The following CCDC178 variants were observed in gnomAD, a reference collection of about 807,000 sequenced individuals.
The protein encoded by CCDC178 is coiled-coil domain containing 178, also known as coiled-coil domain-containing protein 178.
Under a neutral mutation model 117.4 loss-of-function variants are expected in CCDC178, and 126 were observed. The ratio of observed to expected loss-of-function variants is 1.07; its 90% CI spans 0.93 to 1.24. CCDC178 has a LOEUF of 1.24. Among genes scored for constraint, CCDC178 ranks in the 50% most tolerant of loss-of-function variants. The pLI, the probability that CCDC178 is intolerant of heterozygous loss-of-function variation, is 0.00. For missense variants in CCDC178, 1,030 were observed against 986.9 expected (o/e 1.04, Z -0.59); for synonymous variants, 283 against 313.4 (o/e 0.90, Z 1.02).
chr18:33,022,444 C>T (rs560769896), intron 21 of CCDC178, among the ~76,000 whole-genome samples: 2 of 152,148 alleles, frequency 1.3e-5, no homozygotes, highest in African/African-American at 4.8e-5. Context: ...AGAAGAAATA[C>T]TTAAGACAAT....
At chr18:33,389,474 T>C in intron 5 of CCDC178, 66 bp downstream of exon 5, 1 of 670,644 alleles carries the variant, frequency 1.5e-6, no homozygotes, top group Non-Finnish European at 2.3e-6. Flanking sequence ...ATTGACATTA[T>C]AGACTAATGA....
In CCDC178 at chr18:33,364,788, A is replaced by G. The variant is rs1175849188; in HGVS notation, c.348+5262T>C. On this transcript the variant is annotated intron_variant, in intron 6 of 22. Transcript: ENST00000383096. Reference sequence around the variant, plus strand: ...ATGAGCTGTAAGGTAGAAGATTTAGAGGTTTGAACAAAAAAACATTGGAGT... The same window carrying G: ...ATGAGCTGTAAGGTAGAAGATTTAGGGGTTTGAACAAAAAAACATTGGAGT... 2.8e-5 allele frequency among the ~76,000 whole-genome samples: 4 copies of G among 145,230 alleles called. No homozygotes were observed. The Admixed American group carries it at 2.8e-4, about 10-fold the overall frequency.
intron 3 of CCDC178, among the ~76,000 whole-genome samples, chr18:33,411,311 T>C (rs1473549911): frequency 3.9e-5 from 6 of 152,192 alleles, no homozygotes; most frequent in Admixed American, 1.3e-4. Flanking sequence ...AAATTTTAGA[T>C]TTTGTGGGCC....
At chr18:33,088,443 A>T (rs1300397444) in intron 21 of CCDC178, among the ~76,000 whole-genome samples, 1 of 151,996 alleles carries the variant, frequency 6.6e-6, no homozygotes, top group Non-Finnish European at 1.5e-5. Flanking sequence ...ATCTATTTAG[A>T]TCTTCTTTGA....
chr18:33,207,338 T>C (rs2059055791), intron 20 of CCDC178, among the ~76,000 whole-genome samples: 1 of 152,110 alleles, frequency 6.6e-6, no homozygotes, highest in Non-Finnish European at 1.5e-5. Context: ...AATCTAGTAA[T>C]GTACTAAAAA....
At position 33,267,067 on chromosome 18, in the gene CCDC178, T is replaced by C. The variant is rs750630368; in HGVS notation, c.1273-15A>G. 3 of 1,572,846 alleles carry C rather than the reference T, an allele frequency of 1.9e-6. No homozygotes were observed. The highest frequency in any genetic ancestry group is 1.7e-6 in the Non-Finnish European group (2 of 1,166,092). Reference sequence around the variant, plus strand: ...CATGTTTTTTTCTTTAAGAAAAGAATAAAAGAATCATTCATACATGTCTAA... The same window carrying C: ...CATGTTTTTTTCTTTAAGAAAAGAACAAAAGAATCATTCATACATGTCTAA... On this transcript the variant is annotated splice_polypyrimidine_tract_variant and intron_variant, in intron 13 of 22. Coordinates refer to ENST00000383096, the MANE Select transcript of CCDC178 (RefSeq NM_001105528.4).
At chr18:33,152,424 C>G in intron 20 of CCDC178, among the ~76,000 whole-genome samples, 1 of 151,880 alleles carries the variant, frequency 6.6e-6, no homozygotes, top group Non-Finnish European at 1.5e-5. Flanking sequence ...GAGACACTAG[C>G]AAGCATGACA....
chr18:33,021,308 T>C (rs2056111805), intron 21 of CCDC178, among the ~76,000 whole-genome samples: 1 of 152,194 alleles, frequency 6.6e-6, no homozygotes, highest in Admixed American at 6.5e-5. Context: ...CTGTTCTGAA[T>C]CTTTTTCTAC....
chr18:33,190,321 A>G (rs1017854280), intron 20 of CCDC178, among the ~76,000 whole-genome samples: 2 of 152,118 alleles, frequency 1.3e-5, no homozygotes, highest in East Asian at 1.9e-4. Context: ...TTATTCCCAT[A>G]CTGCTCCTAA....
chr18:33,195,140 A>C (rs2058915567), intron 20 of CCDC178, among the ~76,000 whole-genome samples: 1 of 151,676 alleles, frequency 6.6e-6, no homozygotes, highest in Admixed American at 6.6e-5. Context: ...AGAGAGAGAG[A>C]GAGAGAAGAA....
intron 20 of CCDC178, among the ~76,000 whole-genome samples, chr18:33,198,533 G>A (rs1043145015): frequency 6.6e-6 from 1 of 152,004 alleles, no homozygotes; most frequent in African/African-American, 2.4e-5. Flanking sequence ...AAAGGAAGGT[G>A]GACAGGACAA....
At chr18:33,005,724 C>CAT (rs1156950467) in intron 21 of CCDC178, among the ~76,000 whole-genome samples, 3 of 151,962 alleles carry the variant, frequency 2.0e-5, no homozygotes, top group South Asian at 4.2e-4. Flanking sequence ...GTAATCCATA[C>CAT]ATATATATAT....
chr18:32,955,170 TC>T lies in CCDC178; in HGVS notation c.2524-17080del, dbSNP rs2054569134. ...TTTCAAAAACTCAAATGTTATCATC[TC>T]CCTCTTTTTCTTTACATCAATTTCC... On this transcript the variant is annotated intron_variant, in intron 22 of 22. Transcript: ENST00000383096. 3.3e-5 allele frequency among the ~76,000 whole-genome samples: 5 copies of T among 152,292 alleles called. No individual in the cohort carries two copies. In the South Asian group the frequency reaches 1.0e-3, roughly 32 times the overall value.
At chr18:33,358,600 A>G (rs1599216286) in intron 6 of CCDC178, among the ~76,000 whole-genome samples, 1 of 151,896 alleles carries the variant, frequency 6.6e-6, no homozygotes, top group East Asian at 1.9e-4. Context: ...AAAATTAGCT[A>G]TCAATTCCAT....
chr18:33,332,874 AC>A (rs2062687813), intron 10 of CCDC178, among the ~76,000 whole-genome samples: 1 of 152,016 alleles, frequency 6.6e-6, no homozygotes. Flanking sequence ...TCAGCTTACC[AC>A]CCGAAGTGCT....
At chr18:33,009,381 C>A (rs1022165700) in intron 21 of CCDC178, among the ~76,000 whole-genome samples, 1 of 151,996 alleles carries the variant, frequency 6.6e-6, no homozygotes, top group Non-Finnish European at 1.5e-5. Flanking sequence ...AATAATATAT[C>A]CCTTCATTAT....
At chr18:33,326,882 G>A (rs1043659829) in intron 10 of CCDC178, among the ~76,000 whole-genome samples, 5 of 151,816 alleles carry the variant, frequency 3.3e-5, no homozygotes, top group South Asian at 4.2e-4. Flanking sequence ...CTCCCTTTGC[G>A]AAAACTCAAT....
chr18:33,395,647 C>T (rs2063624834), intron 4 of CCDC178, among the ~76,000 whole-genome samples: 1 of 152,062 alleles, frequency 6.6e-6, no homozygotes, highest in South Asian at 2.1e-4. Context: ...AAGTTTGTGC[C>T]ATATCGGTAC....
At chr18:33,368,010 CAACT>C (rs1381507838) in intron 6 of CCDC178, among the ~76,000 whole-genome samples, 1 of 151,836 alleles carries the variant, frequency 6.6e-6, no homozygotes, top group East Asian at 1.9e-4. Flanking sequence ...CTCAAAGTAT[CAACT>C]AATATTCTCC....
Sources: allele counts gnomAD v4.1 joint callset (sites outside exome capture counted in the v4.1 genomes callset), GRCh38; gene constraint gnomAD v4.1.1; transcripts MANE v1.5; gene names NCBI Gene and HGNC (gene_info 2026-07-23, HGNC 2026-07-21).